The following DENND5B variants were observed in gnomAD, a reference collection of about 807,000 sequenced individuals.
DENND5B encodes the protein DENN domain containing 5B, also known as DENN domain-containing protein 5B.
DENND5B carries 34 observed loss-of-function variants against 140.6 expected under a neutral mutation model. That is an observed-to-expected ratio of 0.24 (90% CI 0.18 to 0.32). DENND5B has a LOEUF of 0.32. DENND5B is among the 10% of genes least tolerant of loss of function. The pLI is 1.00. For synonymous variants in DENND5B, 551 were observed against 562.1 expected (o/e 0.98, Z 0.28); for missense variants, 1,142 against 1,560.2 (o/e 0.73, Z 4.52).
intron 15 of DENND5B, among the ~76,000 whole-genome samples, chr12:31,401,489 G>C (rs1941794950): frequency 6.6e-6 from 1 of 152,140 alleles, no homozygotes; most frequent in South Asian, 2.1e-4. Context: ...GGGACATTCA[G>C]TTCGTACCAT....
chr12:31,579,472 C>A (rs1950136288), intron 1 of DENND5B, among the ~76,000 whole-genome samples: 1 of 151,934 alleles, frequency 6.6e-6, no homozygotes, highest in Non-Finnish European at 1.5e-5. Context: ...GCCAGCCTGG[C>A]CAACAAGCTG....
In DENND5B at chr12:31,431,184, A is replaced by G. The variant is rs183578454; in HGVS notation, c.2106+1971T>C. Reference sequence around the variant, plus strand: ...AAACCACTAGGAACTACCTATGAAAATATATCCTATTATTCAATAAACACT... The same window carrying G: ...AAACCACTAGGAACTACCTATGAAAGTATATCCTATTATTCAATAAACACT... On this transcript the variant is annotated intron_variant, in intron 8 of 20. Coordinates refer to ENST00000389082, the MANE Select transcript of DENND5B (RefSeq NM_144973.4). 1.1e-4 allele frequency among the ~76,000 whole-genome samples: 17 copies of G among 152,288 alleles called. No individual in the cohort carries two copies. In the East Asian group the frequency reaches 3.3e-3, roughly 29 times the overall value.
At chr12:31,487,241 T>C (rs1416288996) in intron 2 of DENND5B, among the ~76,000 whole-genome samples, 1 of 152,210 alleles carries the variant, frequency 6.6e-6, no homozygotes, top group Non-Finnish European at 1.5e-5. Context: ...AGGTAAAACC[T>C]ATGAATACCT....
intron 1 of DENND5B, among the ~76,000 whole-genome samples, chr12:31,547,887 G>A (rs970169340): frequency 2.0e-5 from 3 of 151,894 alleles, no homozygotes; most frequent in Non-Finnish European, 2.9e-5. Flanking sequence ...TGTATTTTTA[G>A]TAGAGGCAGG....
chr12:31,583,708 C>CAAAAACA (rs1555177486), intron 1 of DENND5B, among the ~76,000 whole-genome samples: 12 of 108,492 alleles, frequency 1.1e-4, no homozygotes, highest in South Asian at 3.5e-4. Context: ...CAAAAACAAA[C>CAAAAACA]AACAACAACA....
Position 31,417,500 on chromosome 12 carries a change from G to GT in DENND5B, c.2471-2053_2471-2052insA, listed in dbSNP as rs1247436784. On this transcript the variant is annotated intron_variant, in intron 11 of 20. Transcript: ENST00000389082. ...AATAGACACTAAGTATAATGTCCAT[G>GT]AGTATTCTCTTATGAAGCCTGAATA... is the stretch of plus-strand genomic sequence containing the variant. Among the ~76,000 whole-genome samples the GT allele has an allele frequency of 9.0e-4, 137 of 152,076 alleles. 1 individual carries two copies. Among genetic ancestry groups the GT allele is most frequent in the Admixed American group, 9.9e-4 (15 of 15,226 alleles).
intron 1 of DENND5B, chr12:31,534,914 C>T: frequency 2.9e-6 from 1 of 347,056 alleles, no homozygotes; most frequent in Non-Finnish European, 5.6e-6. Context: ...GGTCAAGAGG[C>T]TTTGGTTTGA....
At chr12:31,571,507 G>A (rs1592072652) in intron 1 of DENND5B, among the ~76,000 whole-genome samples, 1 of 151,592 alleles carries the variant, frequency 6.6e-6, no homozygotes, top group African/African-American at 2.4e-5. Flanking sequence ...AAAAAAAGTT[G>A]CAAGAACTAC....
rs1458504134 is a variant in DENND5B at position 31,383,834 on chromosome 12, A to T, written c.*3769T>A. 6.6e-6 allele frequency: 1 copy of T among 152,230 alleles called. No individual in the cohort carries two copies. The highest frequency in any genetic ancestry group is 2.4e-5 in the African/African-American group (1 of 41,468). The allele number at this position is 152,230 out of a possible 1,614,324, so 9.4% of individuals were successfully genotyped here. On this transcript the variant is annotated 3_prime_UTR_variant, in exon 21 of 21. Coordinates refer to ENST00000389082, the MANE Select transcript of DENND5B (RefSeq NM_144973.4). ...GATTAGGGGTTTCATGACATATGAAAAACTTTGGGAAAATAAATTTTTCAA... is the reference window on the plus strand; with the variant it reads ...GATTAGGGGTTTCATGACATATGAATAACTTTGGGAAAATAAATTTTTCAA...
intron 1 of DENND5B, chr12:31,535,170 G>A: frequency 2.9e-6 from 1 of 339,718 alleles, no homozygotes; most frequent in East Asian, 8.7e-5. Context: ...GGTACCACTT[G>A]CAAGTACTGT....
chr12:31,438,192 C>T (rs1943862946), intron 7 of DENND5B, among the ~76,000 whole-genome samples: 1 of 152,230 alleles, frequency 6.6e-6, no homozygotes, highest in Non-Finnish European at 1.5e-5. Context: ...CCAGGCTGGC[C>T]TTGAACTCCT....
intron 10 of DENND5B, among the ~76,000 whole-genome samples, chr12:31,424,208 A>C (rs988664051): frequency 3.9e-5 from 6 of 152,278 alleles, no homozygotes; most frequent in African/African-American, 1.4e-4. Context: ...GAATGATTTC[A>C]CCCTGAATTA....
chr12:31,401,463 C>T (rs1941793501), intron 15 of DENND5B, among the ~76,000 whole-genome samples: 2 of 152,052 alleles, frequency 1.3e-5, no homozygotes, highest in African/African-American at 2.4e-5. Flanking sequence ...TTCGAGACCC[C>T]AAGGAACATG....
At chr12:31,413,375 C>T in intron 13 of DENND5B, 61 bp downstream of exon 13, 1 of 1,565,174 alleles carries the variant, frequency 6.4e-7, no homozygotes, top group African/African-American at 1.4e-5. Context: ...TCAGTTTATG[C>T]AACTTGTTTT....
At chr12:31,570,512 C>T (rs938173759) in intron 1 of DENND5B, among the ~76,000 whole-genome samples, 1 of 150,072 alleles carries the variant, frequency 6.7e-6, no homozygotes, top group African/African-American at 2.5e-5. Flanking sequence ...CTCCTGACCT[C>T]GTGATCCACC....
chr12:31,481,254 C>T (rs1317418380), intron 2 of DENND5B, among the ~76,000 whole-genome samples: 1 of 152,150 alleles, frequency 6.6e-6, no homozygotes, highest in Non-Finnish European at 1.5e-5. Context: ...CACATCCCCA[C>T]ATTACCAAGA....
In DENND5B at chr12:31,399,801, G is replaced by A. The variant is rs1941700058; in HGVS notation, c.2950-29C>T. ...TAGGGACAGGACCTTAGGTTATTTA[G>A]TACCCAATCCCATCCTGTTACATCT... On this transcript the variant is annotated intron_variant, in intron 15 of 20. Transcript: ENST00000389082. The A allele has an allele frequency of 1.9e-6, 3 of 1,563,094 alleles. No individual in the cohort carries two copies. In the South Asian group the frequency reaches 3.4e-5, roughly 18 times the overall value.
At chr12:31,435,726 C>T (rs898049120) in intron 7 of DENND5B, among the ~76,000 whole-genome samples, 13 of 151,698 alleles carry the variant, frequency 8.6e-5, no homozygotes, top group Admixed American at 2.0e-4. Context: ...AGTGGCAAGA[C>T]CTCGGCTCAC....
intron 1 of DENND5B, among the ~76,000 whole-genome samples, chr12:31,496,308 C>T (rs1339854411): frequency 1.3e-5 from 2 of 152,108 alleles, no homozygotes; most frequent in South Asian, 4.1e-4. Context: ...AAATTTTATA[C>T]ACACTTAGAC....
Sources: allele counts gnomAD v4.1 joint callset (sites outside exome capture counted in the v4.1 genomes callset), GRCh38; gene constraint gnomAD v4.1.1; transcripts MANE v1.5; gene names NCBI Gene and HGNC (gene_info 2026-07-23, HGNC 2026-07-21).